Variants in NEDD9 observed in about 807,000 individuals in gnomAD.
NEDD9 encodes the protein enhancer of filamentation 1.
A neutral mutation model predicts 76.6 loss-of-function variants in NEDD9; 26 were observed. The observed-to-expected ratio is 0.34, with a 90% CI of 0.25 to 0.47. The LOEUF (loss-of-function observed/expected upper bound fraction) is 0.47, where lower values mean the gene tolerates loss of function less well. Ranked by LOEUF, NEDD9 falls within the 20% of genes least tolerant of loss-of-function variation. The pLI is 1.00. For synonymous variants in NEDD9, 392 were observed against 414.2 expected, an observed-to-expected ratio of 0.95 and a Z score of 0.65; for missense variants, 937 against 1,058.5, an observed-to-expected ratio of 0.89 and a Z score of 1.59.
intron 2 of NEDD9, among the ~76,000 whole-genome samples, chr6:11,326,427 C>T (rs1259226286): frequency 6.6e-6 from 1 of 152,278 alleles, no homozygotes. Flanking sequence ...TATGTTTGGC[C>T]CCATGTGGCA....
At position 11,343,281 on chromosome 6, in the gene NEDD9, T is replaced by G. The variant is rs1157766322; in HGVS notation, c.-213-8720A>C. Among the ~76,000 whole-genome samples the G allele has an allele frequency of 2.6e-5, 4 of 152,014 alleles. No individual in the cohort carries two copies. In the East Asian group the frequency reaches 7.7e-4, roughly 29 times the overall value. ...CGTTTCTACTAAAAGTACAAAAAATTAGCTGGGTGTGGTGTCATGCGCCTG... is the reference window on the plus strand; with the variant it reads ...CGTTTCTACTAAAAGTACAAAAAATGAGCTGGGTGTGGTGTCATGCGCCTG... On this transcript the variant is annotated intron_variant, in intron 1 of 3. Transcript: ENST00000397378.
intron 3 of NEDD9, among the ~76,000 whole-genome samples, chr6:11,253,200 C>G (rs1013239442): frequency 6.6e-6 from 1 of 152,058 alleles, no homozygotes; most frequent in Non-Finnish European, 1.5e-5. Context: ...CATGAATGTG[C>G]GCAGTCGTTG....
upstream of NEDD9, among the ~76,000 whole-genome samples, chr6:11,236,481 C>T (rs1759603775): frequency 6.6e-6 from 1 of 152,162 alleles, no homozygotes; most frequent in African/African-American, 2.4e-5. The surrounding 1 kb of genome is among the most constrained non-coding windows in gnomAD (Gnocchi z 5.5). Flanking sequence ...GGAATGAACC[C>T]ACGTGACTGC....
intron 1 of NEDD9, among the ~76,000 whole-genome samples, chr6:11,355,856 G>T (rs532762558): frequency 5.1e-4 from 77 of 152,184 alleles, no homozygotes; most frequent in Non-Finnish European, 8.4e-4. Context: ...CAGTAGCTGG[G>T]ACTACAGGCA....
intron 1 of NEDD9, among the ~76,000 whole-genome samples, chr6:11,362,569 G>C (rs1762696322): frequency 6.6e-6 from 1 of 152,106 alleles, no homozygotes; most frequent in African/African-American, 2.4e-5. Flanking sequence ...TTCAAATTAT[G>C]GTATTAACTG....
intron 2 of NEDD9, among the ~76,000 whole-genome samples, chr6:11,211,923 G>A (rs1015937374): frequency 6.6e-6 from 1 of 152,110 alleles, no homozygotes; most frequent in African/African-American, 2.4e-5. Context: ...GCAGGAGGGT[G>A]GCCCTGGCAC....
At chr6:11,284,307 G>A (rs1249162884) in intron 3 of NEDD9, among the ~76,000 whole-genome samples, 1 of 149,960 alleles carries the variant, frequency 6.7e-6, no homozygotes, top group Non-Finnish European at 1.5e-5. Context: ...TGTAATCCCA[G>A]CACTTTGGGA....
At chr6:11,206,924 T>C (rs1758633679) in intron 2 of NEDD9, among the ~76,000 whole-genome samples, 1 of 152,236 alleles carries the variant, frequency 6.6e-6, no homozygotes, top group Non-Finnish European at 1.5e-5. Flanking sequence ...ACATTTTAGA[T>C]GGCAAGTACA....
At chr6:11,380,102 A>T (rs1462374034) in intron 1 of NEDD9, among the ~76,000 whole-genome samples, 1 of 152,190 alleles carries the variant, frequency 6.6e-6, no homozygotes, top group Non-Finnish European at 1.5e-5. Flanking sequence ...GAGGAGGAGG[A>T]TCTTCCCCCA....
intron 1 of NEDD9, among the ~76,000 whole-genome samples, chr6:11,215,460 T>C (rs1758926593): frequency 6.6e-6 from 1 of 152,210 alleles, no homozygotes; most frequent in Non-Finnish European, 1.5e-5. Flanking sequence ...AGGCAGCAGT[T>C]TCCCCTGTTC....
intron 3 of NEDD9, among the ~76,000 whole-genome samples, chr6:11,257,618 T>C (rs932223807): frequency 3.5e-4 from 54 of 152,294 alleles, no homozygotes; most frequent in African/African-American, 1.3e-3. Flanking sequence ...GGGTCCCCTT[T>C]CTCCCGAGGT....
At chr6:11,335,025 G>A (rs1345916295) in intron 1 of NEDD9, among the ~76,000 whole-genome samples, 1 of 152,174 alleles carries the variant, frequency 6.6e-6, no homozygotes, top group African/African-American at 2.4e-5. Context: ...AGAAGTTGCC[G>A]AAGAACTTAA....
chr6:11,349,452 A>G (rs1458894780), intron 1 of NEDD9, among the ~76,000 whole-genome samples: 1 of 152,250 alleles, frequency 6.6e-6, no homozygotes, highest in African/African-American at 2.4e-5. Flanking sequence ...TCATTCCATC[A>G]TAAAGACACA....
Position 11,237,991 on chromosome 6 carries a change from A to G in NEDD9, c.13-24264T>C, listed in dbSNP as rs1049603265. Among the ~76,000 whole-genome samples the G allele has an allele frequency of 6.6e-6, 1 of 152,190 alleles. No homozygotes were observed. Among genetic ancestry groups the G allele is most frequent in the African/African-American group, 2.4e-5 (1 of 41,442 alleles). On this transcript the variant is annotated intron_variant, in intron 3 of 3. Coordinates refer to the NEDD9 transcript ENST00000397378. The surrounding 1 kb of genome is among the most constrained non-coding windows in gnomAD (Gnocchi z 4.9). ...AAAACAATCTACATATACCAAGCTT[A>G]TTTCAAAAATAATTGGAGGCAGCAA...
At chr6:11,229,424 G>T (rs140169624) in intron 1 of NEDD9, among the ~76,000 whole-genome samples, 2 of 152,048 alleles carry the variant, frequency 1.3e-5, no homozygotes, top group East Asian at 1.9e-4. Context: ...AGGCACAAAC[G>T]GGGTGGGGTC....
chr6:11,265,470 T>TC (rs1394587346), intron 3 of NEDD9, among the ~76,000 whole-genome samples: 1 of 152,264 alleles, frequency 6.6e-6, no homozygotes, highest in Non-Finnish European at 1.5e-5. Flanking sequence ...CTTAAAGTTT[T>TC]CCAGCATGTA....
chr6:11,334,955 G>T (rs911394167), intron 1 of NEDD9, among the ~76,000 whole-genome samples: 1 of 152,138 alleles, frequency 6.6e-6, no homozygotes, highest in Admixed American at 6.5e-5. Context: ...GCCAGCTGTT[G>T]GAAGTTGACA....
In NEDD9 at chr6:11,238,227, T is replaced by C. The variant is rs79998870; in HGVS notation, c.13-24500A>G. ...GAGGTAGCTTGTATTGTTCTTACTT[T>C]ACACTTCACAAAACCAAGACTGGAG... On this transcript the variant is annotated intron_variant, in intron 3 of 3. Transcript: ENST00000397378. Among the ~76,000 whole-genome samples the C allele has an allele frequency of 5.9e-3, 904 of 152,288 alleles. 13 individuals are homozygous for C. Among genetic ancestry groups the C allele is most frequent in the African/African-American group, 0.021 (855 of 41,550 alleles).
chr6:11,366,311 G>GGAA (rs1561849023), intron 1 of NEDD9, among the ~76,000 whole-genome samples: 2 of 143,490 alleles, frequency 1.4e-5, no homozygotes, highest in African/African-American at 5.3e-5. Flanking sequence ...AAGAAAGAAA[G>GGAA]AGAAAGAAAG....
Sources: gnomAD v4.1 joint callset for allele counts (sites outside exome capture counted in the v4.1 genomes callset) on GRCh38, gnomAD v4.1.1 for gene constraint, Gnocchi (gnomAD v3.1) non-coding constraint, MANE v1.5 for transcripts, NCBI Gene and HGNC (gene_info 2026-07-23, HGNC 2026-07-21) for gene names.